The following LMBR1 variants were observed in gnomAD, a reference collection of about 807,000 sequenced individuals.
LMBR1 encodes the protein limb development membrane protein 1.
A neutral mutation model predicts 73.9 loss-of-function variants in LMBR1; 52 were observed. That is an observed-to-expected ratio of 0.70 (90% confidence interval 0.56 to 0.89). The LOEUF (loss-of-function observed/expected upper bound fraction) is 0.89, where lower values mean the gene tolerates loss of function less well. Among genes scored for constraint, LMBR1 ranks in the 40% least tolerant of loss-of-function variants. LMBR1 has a pLI of 0.00. For synonymous variants in LMBR1, 215 were observed against 209.4 expected (o/e 1.03, Z -0.23); for missense variants, 539 against 579.8 (o/e 0.93, Z 0.72).
At chr7:156,872,538 T>C (rs751627199) in intron 1 of LMBR1, among the ~76,000 whole-genome samples, 2 of 151,738 alleles carry the variant, frequency 1.3e-5, no homozygotes, top group African/African-American at 4.8e-5. Flanking sequence ...TCCCAGCTAC[T>C]TGGGAGGCTG....
At position 156,723,566 on chromosome 7, in the gene LMBR1, T is replaced by C. The variant is rs141770723; in HGVS notation, c.1225+546A>G. Among the ~76,000 whole-genome samples, 404 of 152,244 alleles carry C rather than the reference T, an allele frequency of 2.7e-3. 2 individuals carry two copies. The highest frequency in any genetic ancestry group is 9.3e-3 in the African/African-American group (387 of 41,564). On this transcript the variant is annotated intron_variant, in intron 15 of 16. Transcript: ENST00000353442. ...AAAAATCTGTTTTTCTTTTAAAAGA[T>C]TATCAAATTCTCCGTAAACTGAAAC...
intron 4 of LMBR1, among the ~76,000 whole-genome samples, chr7:156,807,044 T>C (rs74477564): frequency 4.6e-5 from 7 of 150,870 alleles, no homozygotes; most frequent in Non-Finnish European, 1.0e-4. Context: ...CTTTTTTTTT[T>C]CTAGCACGTT....
intron 1 of LMBR1, among the ~76,000 whole-genome samples, chr7:156,867,641 G>C (rs796112775): frequency 5.3e-5 from 8 of 152,312 alleles, no homozygotes; most frequent in African/African-American, 1.9e-4. Context: ...ATGCTTAAAT[G>C]AAAGCAGCTA....
intron 15 of LMBR1, among the ~76,000 whole-genome samples, chr7:156,718,127 C>T (rs565416263): frequency 7.2e-5 from 11 of 152,226 alleles, no homozygotes; most frequent in South Asian, 4.2e-4. Context: ...TGGCTAGGCA[C>T]GGTGGCTCAC....
intron 5 of LMBR1, among the ~76,000 whole-genome samples, chr7:156,773,221 T>C (rs1352683658): frequency 6.6e-6 from 1 of 152,134 alleles, no homozygotes; most frequent in South Asian, 2.1e-4. Context: ...TGCAAAAACA[T>C]TCCATGTTCA....
At chr7:156,786,868 C>T (rs1381432769) in intron 5 of LMBR1, among the ~76,000 whole-genome samples, 1 of 152,058 alleles carries the variant, frequency 6.6e-6, no homozygotes. Flanking sequence ...TTAATTATAT[C>T]TTTATATATA....
At chr7:156,889,029 G>C (rs546752647) in intron 1 of LMBR1, among the ~76,000 whole-genome samples, 2 of 152,062 alleles carry the variant, frequency 1.3e-5, no homozygotes, top group African/African-American at 4.8e-5. Context: ...ACTCTAGCCT[G>C]GGCAACAGAG....
At chr7:156,727,611 T>TG (rs1407323964) in intron 12 of LMBR1, among the ~76,000 whole-genome samples, 1 of 151,968 alleles carries the variant, frequency 6.6e-6, no homozygotes, top group African/African-American at 2.4e-5. Context: ...AAGACTCAGG[T>TG]GGGGGGATCT....
At chr7:156,804,552 T>C (rs1831647453) in intron 4 of LMBR1, among the ~76,000 whole-genome samples, 1 of 152,242 alleles carries the variant, frequency 6.6e-6, no homozygotes. Context: ...TTCTGGCAGG[T>C]ACACAGGAAT....
rs111570717 is a variant in LMBR1 at position 156,710,210 on chromosome 7, G to A, written c.1225+13902C>T. Among the ~76,000 whole-genome samples, 1,172 of 151,958 alleles carry A rather than the reference G, an allele frequency of 7.7e-3. 15 individuals carry two copies. Among genetic ancestry groups the A allele is most frequent in the African/African-American group, 0.027 (1,104 of 41,430 alleles). On this transcript the variant is annotated intron_variant, in intron 15 of 16. Coordinates refer to ENST00000353442, the MANE Select transcript of LMBR1 (RefSeq NM_022458.4). ...ATGAGCCACCGTGCCCGGCCCAGAA[G>A]GTTGATTATTAAGCTACTCAAGGAG...
intron 14 of LMBR1, 150 bp downstream of exon 14, chr7:156,725,285 C>T: frequency 1.8e-6 from 1 of 553,904 alleles, no homozygotes; most frequent in Non-Finnish European, 3.3e-6. Context: ...CCCACTCACT[C>T]AGCATTTTGA....
intron 4 of LMBR1, among the ~76,000 whole-genome samples, chr7:156,817,866 C>T (rs1393918751): frequency 6.6e-6 from 1 of 151,972 alleles, no homozygotes; most frequent in Non-Finnish European, 1.5e-5. Flanking sequence ...TTTCTGGTAT[C>T]TCTGTATATC....
intron 1 of LMBR1, among the ~76,000 whole-genome samples, chr7:156,870,476 T>C (rs1393689477): frequency 6.6e-6 from 1 of 152,072 alleles, no homozygotes; most frequent in African/African-American, 2.4e-5. Context: ...TTAGAAAATA[T>C]CTCAAGATGC....
intron 15 of LMBR1, among the ~76,000 whole-genome samples, chr7:156,697,435 C>T (rs962504752): frequency 3.3e-5 from 5 of 152,182 alleles, no homozygotes; most frequent in Admixed American, 6.5e-5. Flanking sequence ...TTTTTCCCCA[C>T]CCTAGTTAAG....
chr7:156,892,880 C>T, intron 1 of LMBR1, 48 bp downstream of exon 1: 1 of 1,367,044 alleles, frequency 7.3e-7, no homozygotes, highest in Non-Finnish European at 9.6e-7. Context: ...GGACGGAGGG[C>T]CCGGGCGGGC....
chr7:156,771,414 A>G (rs1391771185), intron 5 of LMBR1, among the ~76,000 whole-genome samples: 1 of 152,202 alleles, frequency 6.6e-6, no homozygotes, highest in Non-Finnish European at 1.5e-5. Flanking sequence ...CCCCACAGAA[A>G]TACAAAAAAC....
intron 10 of LMBR1, among the ~76,000 whole-genome samples, chr7:156,729,966 G>A (rs1816538346): frequency 6.6e-6 from 1 of 152,214 alleles, no homozygotes; most frequent in East Asian, 1.9e-4. Flanking sequence ...AATATTCTGT[G>A]AAGTAAACTG....
chr7:156,673,910 A>C (rs922419925), downstream of LMBR1, among the ~76,000 whole-genome samples: 5 of 123,886 alleles, frequency 4.0e-5, no homozygotes, highest in Non-Finnish European at 3.3e-5. Flanking sequence ...CATTAATAAA[A>C]AAAAAAAAAA....
At position 156,753,059 on chromosome 7, in the gene LMBR1, T is replaced by C. The variant is rs115827715; in HGVS notation, c.757+3334A>G. 4.3e-3 allele frequency among the ~76,000 whole-genome samples: 660 copies of C among 151,906 alleles called. 3 individuals are homozygous for C. The highest frequency in any genetic ancestry group is 0.015 in the African/African-American group (633 of 41,428). ...AATGGGAGTGCTAGAAGAAGTGAAC[T>C]GGAAAAAGGAGAAGTGGTAGGTGGA... On this transcript the variant is annotated intron_variant, in intron 9 of 16. Coordinates refer to ENST00000353442, the MANE Select transcript of LMBR1 (RefSeq NM_022458.4).
Sources: allele counts gnomAD v4.1 joint callset (sites outside exome capture counted in the v4.1 genomes callset), GRCh38; gene constraint gnomAD v4.1.1; transcripts MANE v1.5; gene names NCBI Gene and HGNC (gene_info 2026-07-23, HGNC 2026-07-21).